Variants in AGBL4 observed in about 807,000 individuals in gnomAD.
AGBL4 encodes AGBL carboxypeptidase 4, also known as cytosolic carboxypeptidase 6.
Under a neutral mutation model 66.4 loss-of-function variants are expected in AGBL4, and 58 were observed. The observed-to-expected ratio is 0.87, with a 90% confidence interval of 0.71 to 1.09. The LOEUF (loss-of-function observed/expected upper bound fraction) is 1.09. Among genes scored for constraint, AGBL4 ranks in the 50% least tolerant of loss-of-function variants. The pLI is 0.00. For synonymous variants in AGBL4, 234 were observed against 222.9 expected, an observed-to-expected ratio of 1.05 and a Z score of -0.44; for missense variants, 579 against 631.0, an observed-to-expected ratio of 0.92 and a Z score of 0.88.
At chr1:48,916,515 A>C (rs1158222308) in intron 5 of AGBL4, among the ~76,000 whole-genome samples, 1 of 152,020 alleles carries the variant, frequency 6.6e-6, no homozygotes. Flanking sequence ...TTTCAGTTAA[A>C]TTTCCTGTAG....
At chr1:49,714,046 A>G (rs1647884819) in intron 2 of AGBL4, among the ~76,000 whole-genome samples, 1 of 152,090 alleles carries the variant, frequency 6.6e-6, no homozygotes, top group Non-Finnish European at 1.5e-5. Context: ...ATATATTTAA[A>G]TATCATGACT....
At chr1:48,994,912 A>C (rs2148983224) in intron 5 of AGBL4, among the ~76,000 whole-genome samples, 1 of 152,374 alleles carries the variant, frequency 6.6e-6, no homozygotes, top group South Asian at 2.1e-4. Flanking sequence ...AGCATCATCC[A>C]GGGAAAAATC....
chr1:49,666,211 T>A (rs550911760), intron 3 of AGBL4, among the ~76,000 whole-genome samples: 1 of 152,080 alleles, frequency 6.6e-6, no homozygotes, highest in East Asian at 1.9e-4. Flanking sequence ...ACTACCAGGC[T>A]CATAGGAGGC....
chr1:49,628,779 A>G (rs1430978043), intron 3 of AGBL4, among the ~76,000 whole-genome samples: 1 of 152,192 alleles, frequency 6.6e-6, no homozygotes, highest in Non-Finnish European at 1.5e-5. Context: ...GTAAATATGC[A>G]TACTGTTTTC....
intron 3 of AGBL4, among the ~76,000 whole-genome samples, chr1:49,601,832 C>T (rs970245996): frequency 6.6e-6 from 1 of 152,204 alleles, no homozygotes; most frequent in African/African-American, 2.4e-5. Context: ...GCAATGGCAA[C>T]AAAAGCCAAA....
At chr1:49,474,211 C>A (rs1646804148) in intron 3 of AGBL4, among the ~76,000 whole-genome samples, 1 of 151,958 alleles carries the variant, frequency 6.6e-6, no homozygotes, top group Non-Finnish European at 1.5e-5. Context: ...CTGTAGATTG[C>A]TTTGGGCAGT....
At chr1:49,937,620 C>T (rs541654428) in intron 1 of AGBL4, among the ~76,000 whole-genome samples, 6 of 152,226 alleles carry the variant, frequency 3.9e-5, no homozygotes, top group African/African-American at 9.6e-5. Flanking sequence ...TGTAAAAGAA[C>T]AGAAATTATA....
intron 3 of AGBL4, among the ~76,000 whole-genome samples, chr1:49,392,441 T>A (rs1327278745): frequency 6.6e-6 from 1 of 152,192 alleles, no homozygotes; most frequent in African/African-American, 2.4e-5. Context: ...TATGAGTTGG[T>A]CAATGAATTG....
chr1:49,090,165 G>C (rs1465693806), intron 4 of AGBL4, among the ~76,000 whole-genome samples: 1 of 152,056 alleles, frequency 6.6e-6, no homozygotes, highest in East Asian at 1.9e-4. Context: ...CATTCTCTTT[G>C]AGAACTGGAA....
chr1:49,501,436 T>C (rs1225318959), intron 3 of AGBL4, among the ~76,000 whole-genome samples: 1 of 152,162 alleles, frequency 6.6e-6, no homozygotes, highest in Non-Finnish European at 1.5e-5. Context: ...CTATCTGCCA[T>C]CTTCCTCCTG....
chr1:49,932,404 C>T (rs546513786), intron 1 of AGBL4, among the ~76,000 whole-genome samples: 1 of 152,062 alleles, frequency 6.6e-6, no homozygotes, highest in East Asian at 1.9e-4. Flanking sequence ...CTATAAAATT[C>T]CTAGAAGAAA....
At chr1:49,351,177 T>C (rs1477425208) in intron 3 of AGBL4, among the ~76,000 whole-genome samples, 1 of 152,140 alleles carries the variant, frequency 6.6e-6, no homozygotes, top group East Asian at 1.9e-4. Context: ...TCATCCTGCC[T>C]GCTATCCACC....
intron 4 of AGBL4, among the ~76,000 whole-genome samples, chr1:49,050,625 T>A (rs958462989): frequency 6.6e-6 from 1 of 152,094 alleles, no homozygotes; most frequent in African/African-American, 2.4e-5. Flanking sequence ...ATTCCTTGCC[T>A]TTTTAAATGC....
intron 9 of AGBL4, 192 bp downstream of exon 9, chr1:48,634,301 G>A: frequency 2.2e-6 from 1 of 459,716 alleles, no homozygotes. Context: ...CTATTTGTGA[G>A]AGGTTGCAGG....
At position 48,546,560 on chromosome 1, in the gene AGBL4, C is replaced by T. The variant is rs144173378; in HGVS notation, c.1268-6822G>A. Among the ~76,000 whole-genome samples the T allele has an allele frequency of 1.2e-4, 19 of 152,280 alleles. No individual in the cohort carries two copies. In the East Asian group the frequency reaches 3.3e-3, roughly 26 times the overall value. ...GGGTCCGAAGGCCCATGTAGCTAAC[C>T]GCGTAGAGTGGAAGGTGACGCTGAA... On this transcript the variant is annotated intron_variant, in intron 11 of 13. Coordinates refer to ENST00000371839, the MANE Select transcript of AGBL4 (RefSeq NM_032785.4).
chr1:48,844,430 T>G (rs748393201), intron 6 of AGBL4, among the ~76,000 whole-genome samples: 36 of 152,346 alleles, frequency 2.4e-4, no homozygotes, highest in Non-Finnish European at 4.9e-4. Context: ...AAATCAATGA[T>G]GCTTTAAAAA....
rs537226022 is a variant in AGBL4 at position 49,740,974 on chromosome 1, A to T, written c.158-43537T>A. On this transcript the variant is annotated intron_variant, in intron 2 of 13. Transcript: ENST00000371839. ...ACTGATCTAAAATTGACACCCTAACATCACAATTAAAATAACTAGAGAAGC... is the reference window on the plus strand; with the variant it reads ...ACTGATCTAAAATTGACACCCTAACTTCACAATTAAAATAACTAGAGAAGC... Among the ~76,000 whole-genome samples the T allele has an allele frequency of 2.6e-5, 4 of 152,328 alleles. No homozygotes were observed. In the East Asian group the frequency reaches 5.8e-4, roughly 22 times the overall value.
chr1:49,803,187 T>C (rs1644903858), intron 2 of AGBL4, among the ~76,000 whole-genome samples: 1 of 152,006 alleles, frequency 6.6e-6, no homozygotes, highest in Non-Finnish European at 1.5e-5. Context: ...CTGCCTATGA[T>C]TTTTACTCAA....
intron 6 of AGBL4, among the ~76,000 whole-genome samples, chr1:48,837,678 A>G (rs1646708553): frequency 7.3e-6 from 1 of 137,754 alleles, no homozygotes; most frequent in African/African-American, 2.7e-5. Context: ...ACACACACAC[A>G]CACACACACG....
Sources: gnomAD v4.1 joint callset for allele counts (sites outside exome capture counted in the v4.1 genomes callset) on GRCh38, gnomAD v4.1.1 for gene constraint, MANE v1.5 for transcripts, NCBI Gene and HGNC (gene_info 2026-07-23, HGNC 2026-07-21) for gene names.